RIMBP2: variants seen among roughly 807,000 people sequenced by gnomAD.
RIMBP2 encodes RIMS binding protein 2, also known as RIMS-binding protein 2.
RIMBP2 carries 48 observed loss-of-function variants against 118.6 expected under a neutral mutation model. The ratio of observed to expected loss-of-function variants is 0.40; its 90% CI spans 0.32 to 0.51. RIMBP2 has a LOEUF of 0.51. Ranked by LOEUF, RIMBP2 falls within the 20% of genes least tolerant of loss-of-function variation. RIMBP2 has a pLI of 0.41. For synonymous variants in RIMBP2, 762 were observed against 742.9 expected, an observed-to-expected ratio of 1.03 and a Z score of -0.42; for missense variants, 1,551 against 1,768.3, an observed-to-expected ratio of 0.88 and a Z score of 2.20.
intron 2 of RIMBP2, among the ~76,000 whole-genome samples, chr12:130,594,216 C>A (rs1004628829): frequency 6.6e-6 from 1 of 152,166 alleles, no homozygotes; most frequent in Admixed American, 6.5e-5. Flanking sequence ...ATGTCAAGAC[C>A]CTGGCAAAGA....
At chr12:130,460,729 G>A (rs1355941024) in intron 6 of RIMBP2, among the ~76,000 whole-genome samples, 2 of 152,142 alleles carry the variant, frequency 1.3e-5, no homozygotes, top group African/African-American at 2.4e-5. Flanking sequence ...TTCTTAGAGT[G>A]GCAGCCAGCC....
chr12:130,612,506 C>A (rs1359989112), intron 2 of RIMBP2, among the ~76,000 whole-genome samples: 15 of 152,162 alleles, frequency 9.9e-5, no homozygotes, highest in Non-Finnish European at 1.5e-5. Flanking sequence ...TTGGGGGTCC[C>A]CAGCCCAGCA....
chr12:130,492,585 T>C (rs532005529), intron 4 of RIMBP2, among the ~76,000 whole-genome samples: 3 of 152,302 alleles, frequency 2.0e-5, no homozygotes, highest in South Asian at 2.1e-4. Flanking sequence ...GGAGGGTTAT[T>C]TTTCTCACAC....
chr12:130,501,618 T>G (rs1310443995), intron 4 of RIMBP2, among the ~76,000 whole-genome samples: 1 of 152,226 alleles, frequency 6.6e-6, no homozygotes, highest in Non-Finnish European at 1.5e-5. Context: ...CCAATAATTT[T>G]CTGCATAACC....
At chr12:130,693,267 A>C (rs1374190610) in intron 1 of RIMBP2, among the ~76,000 whole-genome samples, 1 of 152,166 alleles carries the variant, frequency 6.6e-6, no homozygotes, top group Non-Finnish European at 1.5e-5. Flanking sequence ...TGAATGAATG[A>C]ATGAAATGTG....
chr12:130,576,713 G>A lies in RIMBP2; in HGVS notation c.-217+51609C>T, dbSNP rs1378235444. 1.3e-5 allele frequency among the ~76,000 whole-genome samples: 2 copies of A among 152,234 alleles called. No individual in the cohort carries two copies. The highest frequency in any genetic ancestry group is 2.9e-5 in the Non-Finnish European group (2 of 68,042). On this transcript the variant is annotated intron_variant, in intron 2 of 22. Transcript: ENST00000690449. This position sits in a 1 kb window ranked among gnomAD's most constrained non-coding sequence, Gnocchi z 4.2. ...TAGCACAAACTGCCAGCAGCAGCGA[G>A]GAGGAGCCCCGCCGAGCGCCGAGAG...
intron 17 of RIMBP2, among the ~76,000 whole-genome samples, chr12:130,416,329 A>G (rs1237469337): frequency 6.6e-6 from 1 of 152,248 alleles, no homozygotes; most frequent in Non-Finnish European, 1.5e-5. Flanking sequence ...AAACTATACT[A>G]TAAGGCTACA....
At position 130,576,049 on chromosome 12, in the gene RIMBP2, G is replaced by A. The variant is rs1352487540; in HGVS notation, c.-217+52273C>T. ...CATGGTGGACAGAACAACTGCCAGT[G>A]TGGAGACATCACAGTGGGAACTGTG... is the stretch of plus-strand genomic sequence containing the variant. On this transcript the variant is annotated intron_variant, in intron 2 of 22. Transcript: ENST00000690449. The surrounding 1 kb of genome is among the most constrained non-coding windows in gnomAD (Gnocchi z 4.2). 6.6e-6 allele frequency among the ~76,000 whole-genome samples: 1 copy of A among 152,068 alleles called. No individual in the cohort carries two copies. The highest frequency in any genetic ancestry group is 1.5e-5 in the Non-Finnish European group (1 of 68,020).
At chr12:130,504,549 G>A (rs925320350) in intron 4 of RIMBP2, among the ~76,000 whole-genome samples, 1 of 152,146 alleles carries the variant, frequency 6.6e-6, no homozygotes, top group Non-Finnish European at 1.5e-5. Flanking sequence ...AGCCCTTGCA[G>A]CTGGAAAGGC....
At chr12:130,713,688 C>T (rs116101939) in intron 1 of RIMBP2, among the ~76,000 whole-genome samples, 136 of 152,294 alleles carry the variant, frequency 8.9e-4, no homozygotes, top group African/African-American at 2.9e-3. Context: ...GACGTTCAGC[C>T]GGCAAGTCTC....
intron 1 of RIMBP2, among the ~76,000 whole-genome samples, chr12:130,636,658 C>G (rs989267675): frequency 6.6e-6 from 1 of 152,184 alleles, no homozygotes; most frequent in African/African-American, 2.4e-5. Flanking sequence ...ACTAAACCAT[C>G]AGCCAGCCCC....
At chr12:130,549,226 TA>T (rs2055488572) in intron 2 of RIMBP2, among the ~76,000 whole-genome samples, 1 of 152,064 alleles carries the variant, frequency 6.6e-6, no homozygotes, top group Non-Finnish European at 1.5e-5. Context: ...CAAATCCAAA[TA>T]AAAACAGCCT....
chr12:130,655,548 T>C (rs967817079), intron 1 of RIMBP2, among the ~76,000 whole-genome samples: 20 of 152,278 alleles, frequency 1.3e-4, no homozygotes, highest in Non-Finnish European at 1.3e-4. Context: ...ATTTCCACTT[T>C]AGGGAATTTA....
At chr12:130,644,881 T>G (rs571857407) in intron 1 of RIMBP2, among the ~76,000 whole-genome samples, 1 of 152,192 alleles carries the variant, frequency 6.6e-6, no homozygotes, top group Non-Finnish European at 1.5e-5. Context: ...TGTGGCCCAC[T>G]GGGTTTCCCC....
chr12:130,400,536 C>G (rs2074430962), intron 21 of RIMBP2, among the ~76,000 whole-genome samples: 1 of 152,306 alleles, frequency 6.6e-6, no homozygotes, highest in African/African-American at 2.4e-5. Flanking sequence ...CTTCCCCAAA[C>G]TCATCTGCCC....
intron 2 of RIMBP2, among the ~76,000 whole-genome samples, chr12:130,556,410 C>A (rs1025151905): frequency 2.0e-5 from 3 of 152,194 alleles, no homozygotes; most frequent in Admixed American, 6.5e-5. Flanking sequence ...ATGATTGGAA[C>A]TCGGGAAGTG....
chr12:130,632,219 A>G (rs2062034904), intron 1 of RIMBP2, among the ~76,000 whole-genome samples: 2 of 152,236 alleles, frequency 1.3e-5, no homozygotes, highest in South Asian at 4.1e-4. Context: ...GCAGAGGCAC[A>G]TCGTCGTCAT....
intron 1 of RIMBP2, among the ~76,000 whole-genome samples, chr12:130,648,876 G>A (rs1017888128): frequency 4.1e-5 from 6 of 145,584 alleles, no homozygotes; most frequent in South Asian, 4.3e-4. Flanking sequence ...GGCTGGTCTC[G>A]AACTCCTGAC....
chr12:130,626,581 C>T (rs546771084), intron 2 of RIMBP2, among the ~76,000 whole-genome samples: 32 of 151,910 alleles, frequency 2.1e-4, no homozygotes, highest in African/African-American at 4.8e-4. Context: ...TTCTCCATCA[C>T]GACTACCGCC....
Sources: gnomAD v4.1 joint callset for allele counts (sites outside exome capture counted in the v4.1 genomes callset) on GRCh38, gnomAD v4.1.1 for gene constraint, Gnocchi (gnomAD v3.1) non-coding constraint, MANE v1.5 for transcripts, NCBI Gene and HGNC (gene_info 2026-07-23, HGNC 2026-07-21) for gene names.